Variants in FBXO16 observed in about 807,000 individuals in gnomAD.
The protein encoded by FBXO16 is F-box protein 16, also known as F-box only protein 16.
A neutral mutation model predicts 41.0 loss-of-function variants in FBXO16; 31 were observed. That is an observed-to-expected ratio of 0.76 (90% confidence interval 0.57 to 1.02). The LOEUF is 1.02. Ranked by LOEUF, FBXO16 falls within the 50% of genes least tolerant of loss-of-function variation. The probability of loss-of-function intolerance (pLI) is 0.00; values close to 1 mark genes in which losing one functional copy is unlikely to be tolerated. For synonymous variants in FBXO16, 133 were observed against 117.8 expected, an observed-to-expected ratio of 1.13 and a Z score of -0.84; for missense variants, 361 against 346.2, an observed-to-expected ratio of 1.04 and a Z score of -0.34.
intron 1 of FBXO16, among the ~76,000 whole-genome samples, chr8:28,486,105 CAA>C (rs34817606): frequency 0.01 from 1,299 of 128,152 alleles, 17 homozygotes; most frequent in African/African-American, 0.032. Context: ...GACTCTGTCT[CAA>C]AAAAAAAAAA....
chr8:28,439,786 C>T (rs1802738519), intron 7 of FBXO16, among the ~76,000 whole-genome samples: 1 of 151,890 alleles, frequency 6.6e-6, no homozygotes, highest in African/African-American at 2.4e-5. Context: ...AAACCCCCAA[C>T]ACCTGAGAAG....
At chr8:28,459,373 T>G (rs550641313) in intron 4 of FBXO16, among the ~76,000 whole-genome samples, 35 of 152,184 alleles carry the variant, frequency 2.3e-4, no homozygotes, top group African/African-American at 8.2e-4. Context: ...ATCCCAGCAC[T>G]TTGAGAGGCC....
Position 28,452,433 on chromosome 8 carries a change from A to G in FBXO16, c.551T>C (p.Val184Ala). The part of the protein sequence containing the change: ...DGFVIADVQL[V>A]TSNSPEEKQS... ...TTTTTCCTCTGGAGAATTGCTTGTA[A>G]CTAGTTGAACGTCAGCGATTACAAA... The change falls in exon 6 of 9, where the codon GTT becomes GCT. Residue 184 changes from valine (V) to alanine (A), a missense_variant. Physicochemically the swap from Val to Ala is moderately conservative, Grantham distance 64. Coordinates refer to ENST00000380254, the MANE Select transcript of FBXO16 (RefSeq NM_172366.4). The G allele has an allele frequency of 6.2e-7, 1 of 1,614,170 alleles. No homozygotes were observed. Among genetic ancestry groups the G allele is most frequent in the South Asian group, 1.1e-5 (1 of 91,080 alleles).
intron 4 of FBXO16, among the ~76,000 whole-genome samples, chr8:28,460,623 C>T (rs186480345): frequency 1.7e-4 from 26 of 151,742 alleles, no homozygotes; most frequent in Admixed American, 5.9e-4. Context: ...TGAGTTTTCA[C>T]CATATTGGCC....
rs193137047 is a variant in FBXO16, at chr8:28,456,619, T to A, written c.507+147A>T. The A allele has an allele frequency of 2.0e-3, 1,843 of 924,542 alleles. 12 individuals carry two copies. The highest frequency in any genetic ancestry group is 1.3e-3 in the Non-Finnish European group (795 of 624,032). 57.3% of individuals were successfully genotyped at this position (924,542 alleles called of 1,614,324 possible). On this transcript the variant is annotated intron_variant, in intron 5 of 8. Transcript: ENST00000380254. The stretch of plus-strand genomic sequence containing the variant: ...GAATGTCTTGAAAACAACTATCAAG[T>A]CTCAGAAAAGGAGAATTTTGAAATC...
intron 3 of FBXO16, among the ~76,000 whole-genome samples, chr8:28,470,095 G>A (rs1200244131): frequency 1.3e-5 from 2 of 151,072 alleles, no homozygotes; most frequent in Non-Finnish European, 2.9e-5. Flanking sequence ...TCGGGAGGCT[G>A]AGGCAGGAGA....
chr8:28,442,900 T>C (rs890665503), intron 7 of FBXO16, among the ~76,000 whole-genome samples: 1 of 152,188 alleles, frequency 6.6e-6, no homozygotes, highest in Non-Finnish European at 1.5e-5. Flanking sequence ...CAAGTATGGT[T>C]CTGTTTTTGG....
At chr8:28,467,779 GAA>G (rs779228588) in intron 3 of FBXO16, among the ~76,000 whole-genome samples, 72 of 152,228 alleles carry the variant, frequency 4.7e-4, no homozygotes, top group Non-Finnish European at 8.7e-4. Flanking sequence ...ATCTATAAAA[GAA>G]AACATTAAAA....
At position 28,464,117 on chromosome 8, in the gene FBXO16, T is replaced by C. The variant is rs534784091; in HGVS notation, c.136-299A>G. On this transcript the variant is annotated intron_variant, in intron 3 of 8. Transcript: ENST00000380254. The stretch of plus-strand genomic sequence containing the variant: ...CACAAACTGAGAATATATCTGCTTA[T>C]AAAAGACAATTTTAAGATAAAATAA... Among the ~76,000 whole-genome samples the C allele has an allele frequency of 2.3e-4, 35 of 152,306 alleles. 3 individuals carry two copies. The South Asian group carries it at 5.6e-3, about 24-fold the overall frequency.
At chr8:28,434,811 C>T (rs962483226) in intron 7 of FBXO16, among the ~76,000 whole-genome samples, 7 of 152,234 alleles carry the variant, frequency 4.6e-5, no homozygotes, top group African/African-American at 1.4e-4. Context: ...CCCAGTCGGC[C>T]GCTCTAAGCT....
intron 3 of FBXO16, among the ~76,000 whole-genome samples, chr8:28,468,353 G>A (rs1803278485): frequency 1.3e-5 from 2 of 152,126 alleles, no homozygotes; most frequent in Admixed American, 6.6e-5. Flanking sequence ...GAAGTGAGAA[G>A]GTTGCTAGGG....
intron 4 of FBXO16, among the ~76,000 whole-genome samples, chr8:28,458,466 G>T (rs1338729099): frequency 1.3e-5 from 2 of 151,862 alleles, no homozygotes; most frequent in Non-Finnish European, 2.9e-5. Flanking sequence ...GAATTCAATG[G>T]AGAGATGGAG....
chr8:28,489,638 T>C (rs950020331), intron 1 of FBXO16, among the ~76,000 whole-genome samples: 1 of 150,874 alleles, frequency 6.6e-6, no homozygotes, highest in African/African-American at 2.4e-5. Context: ...AGTTCAAGGC[T>C]GCAGTGAGCG....
At chr8:28,466,427 A>AT (rs1803242261) in intron 3 of FBXO16, among the ~76,000 whole-genome samples, 1 of 152,038 alleles carries the variant, frequency 6.6e-6, no homozygotes, top group Non-Finnish European at 1.5e-5. Flanking sequence ...AATAAAACTG[A>AT]TTCATGTGTG....
intron 2 of FBXO16, among the ~76,000 whole-genome samples, chr8:28,479,189 C>G (rs1002738053): frequency 2.6e-5 from 4 of 152,174 alleles, no homozygotes; most frequent in Non-Finnish European, 4.4e-5. Context: ...TACAACCAAT[C>G]TGAAGCATCA....
chr8:28,461,974 C>G (rs1427775171), intron 4 of FBXO16, among the ~76,000 whole-genome samples: 1 of 152,010 alleles, frequency 6.6e-6, no homozygotes, highest in Non-Finnish European at 1.5e-5. Context: ...GAGTCTCACT[C>G]TGTTGCCCAG....
chr8:28,452,201 T>C, intron 6 of FBXO16, 43 bp downstream of exon 6: 2 of 1,552,456 alleles, frequency 1.3e-6, no homozygotes, highest in Non-Finnish European at 1.8e-6. Flanking sequence ...CAATAAATTA[T>C]TTCTAAAAAC....
At chr8:28,431,025 T>C (rs1476166318) in intron 7 of FBXO16, among the ~76,000 whole-genome samples, 1 of 152,120 alleles carries the variant, frequency 6.6e-6, no homozygotes, top group African/African-American at 2.4e-5. Context: ...AGAAAAGGCC[T>C]AGCTCTCTAT....
rs1052190279 is a variant in FBXO16 at position 28,475,177 on chromosome 8, A to G, written c.100-1370T>C. Among the ~76,000 whole-genome samples, 6 of 152,228 alleles carry G rather than the reference A, an allele frequency of 3.9e-5. No homozygotes were observed. The East Asian group carries it at 1.2e-3, about 29-fold the overall frequency. ...AGGCCTATTTCTTCTCTTTTTATGG[A>G]AGAGGCTGAGGAGCTGGTTTTATGC... On this transcript the variant is annotated intron_variant, in intron 2 of 8. Transcript: ENST00000380254.
Sources: gnomAD v4.1 joint callset for allele counts (sites outside exome capture counted in the v4.1 genomes callset) on GRCh38, gnomAD v4.1.1 for gene constraint, MANE v1.5 for transcripts, NCBI Gene and HGNC (gene_info 2026-07-23, HGNC 2026-07-21) for gene names.